Variants in CDH8 observed in about 807,000 individuals in gnomAD.
The protein encoded by CDH8 is cadherin-8.
Under a neutral mutation model 68.1 loss-of-function variants are expected in CDH8, and 17 were observed. That is an observed-to-expected ratio of 0.25 (90% CI 0.17 to 0.37). CDH8 has a LOEUF of 0.37. CDH8 is among the 10% of genes least tolerant of loss of function. CDH8 has a pLI of 1.00. For missense variants in CDH8, 763 were observed against 999.3 expected, an observed-to-expected ratio of 0.76 and a Z score of 3.19; for synonymous variants, 372 against 365.1, an observed-to-expected ratio of 1.02 and a Z score of -0.21.
Position 61,652,902 on chromosome 16 carries a change from G to C in CDH8, c.*706C>G. On this transcript the variant is annotated 3_prime_UTR_variant, in exon 12 of 12. Coordinates refer to ENST00000577390, the MANE Select transcript of CDH8 (RefSeq NM_001796.5). ...GAGGGAACGAGGAATCCTGCTTCTA[G>C]AAAACAAGCATGTTTGAATGGGATT... The C allele has an allele frequency of 6.6e-7, 1 of 1,525,932 alleles. No individual in the cohort carries two copies. The allele number at this position is 1,525,932 out of a possible 1,614,324, so 94.5% of individuals were successfully genotyped here.
chr16:61,942,448 A>T (rs951567110), intron 2 of CDH8, among the ~76,000 whole-genome samples: 5 of 152,162 alleles, frequency 3.3e-5, no homozygotes, highest in Non-Finnish European at 5.9e-5. Flanking sequence ...AGTGAGCTGT[A>T]ATCCTACATC....
chr16:61,672,338 T>C (rs1963814138), intron 10 of CDH8, among the ~76,000 whole-genome samples: 1 of 152,124 alleles, frequency 6.6e-6, no homozygotes, highest in South Asian at 2.1e-4. Context: ...CAGAATATTT[T>C]TGAATATCAT....
intron 3 of CDH8, among the ~76,000 whole-genome samples, chr16:61,874,785 T>C (rs954714043): frequency 2.0e-5 from 3 of 152,174 alleles, no homozygotes; most frequent in African/African-American, 7.2e-5. Flanking sequence ...CAACTATTAG[T>C]TTGGTGCAAA....
intron 2 of CDH8, chr16:61,918,648 C>G (rs1964295832): frequency 6.5e-6 from 1 of 154,234 alleles, no homozygotes; most frequent in East Asian, 1.9e-4. Context: ...TATCTGGCAC[C>G]TGGCTCGGAG....
chr16:62,022,547 C>CA (rs756884522), intron 1 of CDH8, among the ~76,000 whole-genome samples: 49 of 150,976 alleles, frequency 3.2e-4, no homozygotes, highest in South Asian at 6.3e-4. Context: ...TCTTTACTCT[C>CA]AAAAAAAAAT....
chr16:61,896,454 A>C (rs1345798561), intron 3 of CDH8, among the ~76,000 whole-genome samples: 1 of 152,230 alleles, frequency 6.6e-6, no homozygotes, highest in Non-Finnish European at 1.5e-5. Context: ...GGCATTCCTC[A>C]GGGCATACAG....
At chr16:61,792,662 ATG>A (rs1961406344) in intron 7 of CDH8, among the ~76,000 whole-genome samples, 1 of 152,044 alleles carries the variant, frequency 6.6e-6, no homozygotes, top group Admixed American at 6.6e-5. Flanking sequence ...CGGAACCAGA[ATG>A]AATACTCGCT....
At chr16:61,879,340 T>A (rs1162866147) in intron 3 of CDH8, among the ~76,000 whole-genome samples, 138 of 152,344 alleles carry the variant, frequency 9.1e-4, no homozygotes, top group Non-Finnish European at 5.9e-5. Context: ...GCTAGCACTT[T>A]CTTCATTTCT....
intron 10 of CDH8, among the ~76,000 whole-genome samples, chr16:61,705,616 C>A (rs1964512585): frequency 6.6e-6 from 1 of 152,080 alleles, no homozygotes; most frequent in Non-Finnish European, 1.5e-5. Flanking sequence ...AATTAGCTGT[C>A]CATGATTAAA....
At position 61,877,608 on chromosome 16, in the gene CDH8, C is replaced by G. The variant is rs568007649; in HGVS notation, c.548-20370G>C. Among the ~76,000 whole-genome samples, 95 of 152,244 alleles carry G rather than the reference C, an allele frequency of 6.2e-4. 1 individual carries two copies. Among genetic ancestry groups the G allele is most frequent in the African/African-American group, 2.1e-3 (88 of 41,564 alleles). On this transcript the variant is annotated intron_variant, in intron 3 of 11. Coordinates refer to ENST00000577390, the MANE Select transcript of CDH8 (RefSeq NM_001796.5). ...GCTATTTTTGTGGTACTTCCAGACT[C>G]TACACATTTATCTCTTTAATTTGGA...
chr16:61,951,286 C>T (rs548267641), intron 2 of CDH8, among the ~76,000 whole-genome samples: 3 of 151,898 alleles, frequency 2.0e-5, no homozygotes, highest in South Asian at 2.1e-4. Context: ...CTGAGGCAGG[C>T]GGATCACGAG....
intron 9 of CDH8, among the ~76,000 whole-genome samples, chr16:61,722,068 C>T (rs1198913399): frequency 1.3e-5 from 2 of 150,668 alleles, no homozygotes; most frequent in African/African-American, 4.8e-5. Context: ...CCTGCTTAAT[C>T]ATGTGTGTGC....
intron 1 of CDH8, among the ~76,000 whole-genome samples, chr16:62,026,547 G>A (rs997674196): frequency 1.3e-5 from 2 of 152,154 alleles, no homozygotes; most frequent in African/African-American, 2.4e-5. Flanking sequence ...CTTAACCACC[G>A]CTGTGAATAA....
chr16:61,973,256 C>T (rs906183216), intron 2 of CDH8, among the ~76,000 whole-genome samples: 1 of 152,226 alleles, frequency 6.6e-6, no homozygotes, highest in East Asian at 1.9e-4. Context: ...TGATCATCCA[C>T]TTCCACTTAA....
chr16:61,674,792 T>C (rs1340769319), intron 10 of CDH8, among the ~76,000 whole-genome samples: 2 of 151,984 alleles, frequency 1.3e-5, no homozygotes, highest in Non-Finnish European at 2.9e-5. Context: ...TTAAAACACA[T>C]GGATGTTATA....
chr16:61,803,964 G>A (rs541025312), intron 7 of CDH8, among the ~76,000 whole-genome samples: 99 of 128,744 alleles, frequency 7.7e-4, no homozygotes, highest in Middle Eastern at 3.6e-3. Flanking sequence ...TGCACCAAGC[G>A]GACCTAATAG....
intron 2 of CDH8, among the ~76,000 whole-genome samples, chr16:61,996,801 G>A (rs1033775696): frequency 3.3e-5 from 5 of 151,972 alleles, no homozygotes; most frequent in South Asian, 2.1e-4. Flanking sequence ...AGCTGGTCTC[G>A]AACTCCCGGG....
chr16:61,788,334 CTATA>C (rs1961288811), intron 8 of CDH8, among the ~76,000 whole-genome samples: 1 of 151,988 alleles, frequency 6.6e-6, no homozygotes, highest in Non-Finnish European at 1.5e-5. Flanking sequence ...GGCATATTTC[CTATA>C]ATTATCATCT....
chr16:61,656,714 T>A (rs976713146), intron 10 of CDH8, among the ~76,000 whole-genome samples: 1 of 152,232 alleles, frequency 6.6e-6, no homozygotes, highest in Non-Finnish European at 1.5e-5. Context: ...TATGGAGATA[T>A]ATACTGGTTG....
Sources: allele counts gnomAD v4.1 joint callset (sites outside exome capture counted in the v4.1 genomes callset), GRCh38; gene constraint gnomAD v4.1.1; transcripts MANE v1.5; gene names NCBI Gene and HGNC (gene_info 2026-07-23, HGNC 2026-07-21).